ASIC2: variants seen among roughly 807,000 people sequenced by gnomAD.
ASIC2 encodes acid sensing ion channel subunit 2, also known as acid-sensing ion channel 2.
ASIC2 carries 25 observed loss-of-function variants against 57.3 expected under a neutral mutation model. That is an observed-to-expected ratio of 0.44 (90% CI 0.32 to 0.61). The LOEUF (loss-of-function observed/expected upper bound fraction) is 0.61. ASIC2 is among the 20% of genes least tolerant of loss of function. The pLI, the probability that ASIC2 is intolerant of heterozygous loss-of-function variation, is 0.06. For synonymous variants in ASIC2, 319 were observed against 307.5 expected (o/e 1.04, Z -0.39); for missense variants, 641 against 738.1 (o/e 0.87, Z 1.52).
At chr17:34,051,815 C>T (rs1156425743) in intron 1 of ASIC2, 1 of 143,474 alleles carries the variant, frequency 7.0e-6, no homozygotes, top group Non-Finnish European at 1.5e-5. Context: ...TTAGAATTTT[C>T]TGAACACACA....
chr17:34,117,821 C>A (rs1911472880), intron 1 of ASIC2, among the ~76,000 whole-genome samples: 2 of 152,042 alleles, frequency 1.3e-5, no homozygotes, highest in African/African-American at 4.8e-5. Flanking sequence ...TCATCATTAA[C>A]CAAGATTGAG....
chr17:33,673,197 G>C (rs1907692843), intron 1 of ASIC2, among the ~76,000 whole-genome samples: 1 of 152,146 alleles, frequency 6.6e-6, no homozygotes, highest in South Asian at 2.1e-4. Context: ...GAGAGAAACT[G>C]AGGATGGGAT....
intron 1 of ASIC2, among the ~76,000 whole-genome samples, chr17:33,298,475 A>G (rs1368259876): frequency 6.6e-6 from 1 of 152,084 alleles, no homozygotes; most frequent in Non-Finnish European, 1.5e-5. Flanking sequence ...TATGTGCCAC[A>G]TTTTCTTAAT....
intron 1 of ASIC2, among the ~76,000 whole-genome samples, chr17:33,144,281 T>G (rs1904457125): frequency 6.6e-6 from 1 of 151,720 alleles, no homozygotes; most frequent in African/African-American, 2.4e-5. Flanking sequence ...CTTGTCCCTG[T>G]GCAATGAGGG....
intron 1 of ASIC2, chr17:34,071,174 A>G (rs1359614783): frequency 6.6e-6 from 1 of 152,212 alleles, no homozygotes; most frequent in Non-Finnish European, 1.5e-5. Context: ...ACCCCTGGAC[A>G]ATATGTAGAA....
chr17:33,341,654 C>T (rs191441674), intron 1 of ASIC2, among the ~76,000 whole-genome samples: 8 of 152,252 alleles, frequency 5.3e-5, no homozygotes, highest in Admixed American at 4.6e-4. Flanking sequence ...TAGTAGCTAC[C>T]TTAACTATAG....
intron 1 of ASIC2, among the ~76,000 whole-genome samples, chr17:33,326,986 AT>A (rs2084506232): frequency 1.3e-5 from 2 of 152,026 alleles, no homozygotes; most frequent in Admixed American, 1.3e-4. Context: ...ATATTTTCTC[AT>A]TTTCTATATA....
At chr17:33,452,917 C>T (rs1389280635) in intron 1 of ASIC2, among the ~76,000 whole-genome samples, 2 of 152,160 alleles carry the variant, frequency 1.3e-5, no homozygotes, top group East Asian at 3.9e-4. Context: ...TCCTCCGAAT[C>T]AAACTGCTCT....
At chr17:34,065,699 C>G (rs1056568744) in intron 1 of ASIC2, among the ~76,000 whole-genome samples, 13 of 152,044 alleles carry the variant, frequency 8.6e-5, no homozygotes, top group Non-Finnish European at 1.2e-4. Context: ...TGCCTACAGT[C>G]TTGATCATTG....
chr17:33,632,198 T>A (rs1018905227), intron 1 of ASIC2, among the ~76,000 whole-genome samples: 1 of 152,202 alleles, frequency 6.6e-6, no homozygotes, highest in Non-Finnish European at 1.5e-5. Flanking sequence ...AATGATATAA[T>A]GCACGGAAAT....
intron 1 of ASIC2, among the ~76,000 whole-genome samples, chr17:33,959,392 G>C (rs375714230): frequency 1.6e-4 from 25 of 152,316 alleles, no homozygotes; most frequent in African/African-American, 4.1e-4. Context: ...ATATGAAGGA[G>C]AGTTTATTAA....
intron 1 of ASIC2, among the ~76,000 whole-genome samples, chr17:33,822,039 T>C (rs997792466): frequency 3.9e-5 from 6 of 152,184 alleles, no homozygotes; most frequent in African/African-American, 1.4e-4. Context: ...TTACTACCTA[T>C]GTGTTTCTGA....
chr17:33,531,607 C>T lies in ASIC2; in HGVS notation c.556-419540G>A, dbSNP rs562224069. Among the ~76,000 whole-genome samples the T allele has an allele frequency of 2.0e-5, 3 of 152,242 alleles. No homozygotes were observed. In the South Asian group the frequency reaches 6.2e-4, roughly 32 times the overall value. ...AAAATTCTGCAAATTGCAGGGAAGC[C>T]AATGTTTAAAGACTTCTCCATCGCA... On this transcript the variant is annotated intron_variant, in intron 1 of 9. Coordinates refer to the ASIC2 transcript ENST00000359872.
chr17:33,410,633 C>T (rs755390328), intron 1 of ASIC2, among the ~76,000 whole-genome samples: 2 of 152,102 alleles, frequency 1.3e-5, no homozygotes, highest in Admixed American at 6.5e-5. Flanking sequence ...ATGAGGCCCT[C>T]GTGCCCATTC....
intron 1 of ASIC2, among the ~76,000 whole-genome samples, chr17:33,456,286 CT>C (rs1205649622): frequency 6.6e-6 from 1 of 152,106 alleles, no homozygotes; most frequent in Non-Finnish European, 1.5e-5. Flanking sequence ...TTCCTACCCC[CT>C]TTATTGTCTT....
chr17:33,802,034 T>C (rs1912146777), intron 1 of ASIC2, among the ~76,000 whole-genome samples: 1 of 152,180 alleles, frequency 6.6e-6, no homozygotes, highest in East Asian at 1.9e-4. Flanking sequence ...GGGAAAGACA[T>C]GGAGAGAAGG....
At chr17:34,086,373 T>C (rs1356678569) in intron 1 of ASIC2, among the ~76,000 whole-genome samples, 9 of 152,188 alleles carry the variant, frequency 5.9e-5, no homozygotes, top group Non-Finnish European at 1.0e-4. Flanking sequence ...TAATCCTGAG[T>C]TCTAATTTGA....
At chr17:33,620,586 A>G (rs1905761293) in intron 1 of ASIC2, among the ~76,000 whole-genome samples, 1 of 151,570 alleles carries the variant, frequency 6.6e-6, no homozygotes, top group African/African-American at 2.4e-5. Context: ...GAGCTTCCCC[A>G]TAAAATTAGC....
chr17:33,556,717 G>T (rs546494184), intron 1 of ASIC2, among the ~76,000 whole-genome samples: 37 of 152,248 alleles, frequency 2.4e-4, no homozygotes, highest in South Asian at 2.1e-3. Context: ...GAATTTGGAG[G>T]TATATGTATT....
Sources: gnomAD v4.1 joint callset for allele counts (sites outside exome capture counted in the v4.1 genomes callset) on GRCh38, gnomAD v4.1.1 for gene constraint, MANE v1.5 for transcripts, NCBI Gene and HGNC (gene_info 2026-07-23, HGNC 2026-07-21) for gene names.